KALRN: variants seen among roughly 807,000 people sequenced by gnomAD.
The protein encoded by KALRN is kalirin.
Under a neutral mutation model 353.7 loss-of-function variants are expected in KALRN, and 70 were observed. That is an observed-to-expected ratio of 0.20 (90% CI 0.16 to 0.24). KALRN has a LOEUF of 0.24. Among genes scored for constraint, KALRN ranks in the 10% least tolerant of loss-of-function variants. The pLI is 1.00. For missense variants in KALRN, 2,791 were observed against 3,756.7 expected, an observed-to-expected ratio of 0.74 and a Z score of 6.72; for synonymous variants, 1,391 against 1,434.8, an observed-to-expected ratio of 0.97 and a Z score of 0.69.
chr3:124,471,983 A>AG (rs1157317624), intron 25 of KALRN, among the ~76,000 whole-genome samples: 4 of 151,300 alleles, frequency 2.6e-5, no homozygotes, highest in Non-Finnish European at 5.9e-5. Context: ...AAAAAAAAAA[A>AG]ACAACCTTCA....
intron 1 of KALRN, among the ~76,000 whole-genome samples, chr3:124,220,856 G>A (rs2077826063): frequency 6.6e-6 from 1 of 152,088 alleles, no homozygotes; most frequent in Non-Finnish European, 1.5e-5. Context: ...CCTCAGCAGG[G>A]GCCAAGTCCC....
chr3:124,680,534 A>G (rs2087671795), intron 51 of KALRN, among the ~76,000 whole-genome samples: 1 of 152,248 alleles, frequency 6.6e-6, no homozygotes, highest in Non-Finnish European at 1.5e-5. Flanking sequence ...GACAACATTA[A>G]AAAGAAATTT....
At chr3:124,458,740 C>A (rs1169405464) in intron 23 of KALRN, among the ~76,000 whole-genome samples, 2 of 152,008 alleles carry the variant, frequency 1.3e-5, no homozygotes, top group Admixed American at 1.3e-4. Flanking sequence ...ACCAGCCTTG[C>A]CAACATGGCA....
At chr3:124,059,148 T>C (rs2041808543) in intron 1 of KALRN, among the ~76,000 whole-genome samples, 1 of 152,198 alleles carries the variant, frequency 6.6e-6, no homozygotes, top group Non-Finnish European at 1.5e-5. Context: ...TGTGGCACCC[T>C]TACGTGAAAC....
intron 7 of KALRN, 43 bp from the exon 8 acceptor site, chr3:124,329,818 C>A: frequency 6.3e-7 from 1 of 1,597,240 alleles, no homozygotes; most frequent in Non-Finnish European, 8.5e-7. Context: ...CAACTCCTCA[C>A]CCCCAGTGCT....
intron 1 of KALRN, among the ~76,000 whole-genome samples, chr3:124,142,279 G>A (rs1431679175): frequency 6.6e-6 from 1 of 152,192 alleles, no homozygotes; most frequent in African/African-American, 2.4e-5. Context: ...GTAAGTGGCT[G>A]AGCCAGGTCC....
In KALRN at chr3:124,678,280, C is replaced by T. The variant is rs1351515624; in HGVS notation, c.7284C>T (p.Pro2428=). The T allele has an allele frequency of 3.1e-6, 5 of 1,614,000 alleles. No individual in the cohort carries two copies. Among genetic ancestry groups the T allele is most frequent in the Non-Finnish European group, 1.7e-6 (2 of 1,179,926 alleles). ...GKNEATGPRK[P]KDILGNKVSV... ...ATGAAGCCACAGGGCCTCGTAAACC[C>T]AAGGATATTCTGGGCAACAAAGTCT... Residue 2428 remains proline, a synonymous_variant, in exon 50 of 60, where the codon CCC becomes CCT. Transcript: ENST00000682506.
intron 13 of KALRN, among the ~76,000 whole-genome samples, chr3:124,399,416 G>A (rs1169062554): frequency 1.3e-5 from 2 of 152,214 alleles, no homozygotes; most frequent in Non-Finnish European, 2.9e-5. Flanking sequence ...GGGATTACAG[G>A]CATGAGCCAC....
intron 1 of KALRN, among the ~76,000 whole-genome samples, chr3:124,169,999 G>C (rs942335580): frequency 1.3e-5 from 2 of 152,154 alleles, no homozygotes; most frequent in East Asian, 3.9e-4. Context: ...TGGAGAAGAG[G>C]GCTGGCTTGG....
chr3:124,682,174 G>C (rs1256678978), intron 51 of KALRN, among the ~76,000 whole-genome samples: 1 of 152,216 alleles, frequency 6.6e-6, no homozygotes, highest in African/African-American at 2.4e-5. Flanking sequence ...ATACTGAAGA[G>C]AGAGGCTATA....
chr3:124,085,305 G>C (rs1468154402), intron 1 of KALRN, among the ~76,000 whole-genome samples: 1 of 152,168 alleles, frequency 6.6e-6, no homozygotes, highest in Non-Finnish European at 1.5e-5. Flanking sequence ...ACTGCCCCTT[G>C]GTTAGAGCTG....
intron 5 of KALRN, among the ~76,000 whole-genome samples, chr3:124,290,460 A>G (rs2076324084): frequency 6.6e-6 from 1 of 152,202 alleles, no homozygotes; most frequent in Admixed American, 6.5e-5. Context: ...TGGAGGAAAA[A>G]CAAAGGCAGT....
At chr3:124,394,153 A>G (rs1016216771) in intron 11 of KALRN, among the ~76,000 whole-genome samples, 9 of 152,242 alleles carry the variant, frequency 5.9e-5, no homozygotes, top group African/African-American at 1.7e-4. Flanking sequence ...CAAAGGCACC[A>G]TGAGTAACGG....
intron 7 of KALRN, among the ~76,000 whole-genome samples, chr3:124,328,919 A>C (rs935179497): frequency 3.3e-5 from 5 of 152,172 alleles, no homozygotes; most frequent in Admixed American, 2.0e-4. Flanking sequence ...ACATGACTCA[A>C]AGTTATTTTT....
intron 34 of KALRN, among the ~76,000 whole-genome samples, chr3:124,601,103 A>G (rs1419191548): frequency 6.6e-6 from 1 of 152,184 alleles, no homozygotes; most frequent in Non-Finnish European, 1.5e-5. Context: ...AGCTTACTAC[A>G]TGTATGGCAT....
At chr3:124,132,387 G>A (rs1263526300) in intron 1 of KALRN, among the ~76,000 whole-genome samples, 2 of 152,192 alleles carry the variant, frequency 1.3e-5, no homozygotes, top group East Asian at 3.8e-4. Flanking sequence ...ACCCGAGCCG[G>A]TGAGAACACT....
At chr3:124,559,767 C>A (rs1386265280) in intron 33 of KALRN, among the ~76,000 whole-genome samples, 1 of 152,214 alleles carries the variant, frequency 6.6e-6, no homozygotes, top group African/African-American at 2.4e-5. Flanking sequence ...ATTTCCCCAG[C>A]ACCCTCCCTT....
At chr3:124,392,615 T>C (rs1005099339) in intron 11 of KALRN, among the ~76,000 whole-genome samples, 4 of 149,826 alleles carry the variant, frequency 2.7e-5, no homozygotes, top group East Asian at 1.9e-4. Flanking sequence ...TTCTTTCTTT[T>C]TTTTTTTTTG....
intron 1 of KALRN, among the ~76,000 whole-genome samples, chr3:124,172,327 G>A (rs1381882421): frequency 6.6e-6 from 1 of 152,290 alleles, no homozygotes; most frequent in East Asian, 1.9e-4. Flanking sequence ...TGATTGTTGT[G>A]AGCAGGGCTT....
Sources: allele counts gnomAD v4.1 joint callset (sites outside exome capture counted in the v4.1 genomes callset), GRCh38; gene constraint gnomAD v4.1.1; transcripts MANE v1.5; gene names NCBI Gene and HGNC (gene_info 2026-07-23, HGNC 2026-07-21).